Variants in PP2D1 observed in about 807,000 individuals in gnomAD.
PP2D1 encodes the protein protein phosphatase 2C-like domain-containing protein 1.
Under a neutral mutation model 30.2 loss-of-function variants are expected in PP2D1, and 25 were observed. The ratio of observed to expected loss-of-function variants is 0.83; its 90% confidence interval spans 0.60 to 1.16. PP2D1 has a LOEUF of 1.16. Ranked by LOEUF, PP2D1 falls within the 50% of genes most tolerant of loss-of-function variation. The pLI is 0.00. For missense variants in PP2D1, 760 were observed against 742.4 expected (o/e 1.02, Z -0.28); for synonymous variants, 260 against 258.9 (o/e 1.00, Z -0.04).
intron 2 of PP2D1, among the ~76,000 whole-genome samples, chr3:19,994,860 CAT>C (rs899660637): frequency 5.9e-5 from 9 of 152,272 alleles, no homozygotes; most frequent in African/African-American, 2.2e-4. Flanking sequence ...CTGGTGAATA[CAT>C]GTGTGTGAGG....
At chr3:20,003,953 A>C (rs13068289) in intron 1 of PP2D1, among the ~76,000 whole-genome samples, 28,783 of 152,068 alleles carry the variant, frequency 0.19, 2,647 homozygotes, top group South Asian at 0.22. Flanking sequence ...AAGTTACTGT[A>C]AGCTAAGATC....
At chr3:19,981,735 A>G (rs543016031), downstream of PP2D1, among the ~76,000 whole-genome samples, 1 of 152,176 alleles carries the variant, frequency 6.6e-6, no homozygotes. Flanking sequence ...ATCAGTGGGA[A>G]GCACACTCCA....
intron 2 of PP2D1, among the ~76,000 whole-genome samples, chr3:19,986,479 C>T (rs1697036640): frequency 6.6e-6 from 1 of 152,150 alleles, no homozygotes; most frequent in Admixed American, 6.5e-5. Flanking sequence ...AATGAAATGA[C>T]TTAATATTAC....
chr3:20,009,026 T>C (rs1455913269), intron 1 of PP2D1, among the ~76,000 whole-genome samples: 1 of 152,154 alleles, frequency 6.6e-6, no homozygotes, highest in African/African-American at 2.4e-5. Flanking sequence ...CTATGTAAAA[T>C]TAATTAAGAA....
chr3:19,998,646 T>C (rs1697212714), intron 2 of PP2D1, among the ~76,000 whole-genome samples: 1 of 152,222 alleles, frequency 6.6e-6, no homozygotes, highest in East Asian at 1.9e-4. Flanking sequence ...TACCTTTTTC[T>C]ACATGCACAA....
chr3:20,004,291 T>C (rs564681477), intron 1 of PP2D1, among the ~76,000 whole-genome samples: 7 of 152,328 alleles, frequency 4.6e-5, no homozygotes, highest in African/African-American at 1.4e-4. Flanking sequence ...GGCTATAGCA[T>C]ATAGCCCAGG....
intron 2 of PP2D1, 145 bp from the exon 3 acceptor site, chr3:19,986,327 A>T (rs1375815593): frequency 3.4e-6 from 2 of 590,890 alleles, no homozygotes; most frequent in Non-Finnish European, 5.7e-6. Context: ...TATGTGTAAT[A>T]TATCACTACT....
intron 1 of PP2D1, chr3:20,008,301 T>G (rs1697346371): frequency 2.0e-5 from 3 of 153,614 alleles, no homozygotes; most frequent in Admixed American, 1.3e-4. Context: ...TTGGTCGCGG[T>G]GGCTCACGCC....
chr3:20,007,249 G>T (rs1229528161), intron 1 of PP2D1, among the ~76,000 whole-genome samples: 1 of 152,056 alleles, frequency 6.6e-6, no homozygotes. Flanking sequence ...TTCTTATACT[G>T]TATTTTTATT....
At chr3:19,994,543 T>C (rs560978462) in intron 2 of PP2D1, among the ~76,000 whole-genome samples, 5 of 152,318 alleles carry the variant, frequency 3.3e-5, no homozygotes, top group African/African-American at 1.2e-4. Flanking sequence ...TTAGTACATA[T>C]TGATAGTGTC....
In PP2D1 at chr3:19,986,289, AAGC is replaced by A. The variant is rs1298570437; in HGVS notation, c.1091-110_1091-108del. ...ATTCTGTGTTTCAATGCTAAACAGA[AAGC>A]AGGCTATGTAAAAGTACGTTTAAAT... On this transcript the variant is annotated intron_variant, in intron 2 of 2. Transcript: ENST00000389050. 4 of 767,902 alleles carry A rather than the reference AAGC, an allele frequency of 5.2e-6. No homozygotes were observed. The African/African-American group carries it at 5.3e-5, about 10-fold the overall frequency. The allele number at this position is 767,902 out of a possible 1,614,324, so 47.6% of individuals were successfully genotyped here. A position where few individuals can be genotyped will look rare whatever the true frequency, so the allele number is the denominator to read the frequency against.
chr3:19,989,779 A>G (rs1281455591), intron 2 of PP2D1, among the ~76,000 whole-genome samples: 2 of 152,196 alleles, frequency 1.3e-5, no homozygotes, highest in Non-Finnish European at 2.9e-5. Flanking sequence ...AAAGGGACAT[A>G]GTTTGGCTCA....
chr3:19,986,998 T>G (rs2125137234), intron 2 of PP2D1, among the ~76,000 whole-genome samples: 1 of 150,124 alleles, frequency 6.7e-6, no homozygotes, highest in Admixed American at 6.6e-5. Flanking sequence ...GATGATGCCA[T>G]TGCACTCCAG....
intron 2 of PP2D1, among the ~76,000 whole-genome samples, chr3:19,996,355 G>A (rs2125141744): frequency 6.6e-6 from 1 of 152,170 alleles, no homozygotes; most frequent in Admixed American, 6.5e-5. Flanking sequence ...TAAACACGTG[G>A]ACACTTACAA....
chr3:20,003,138 T>C (rs947688672), intron 1 of PP2D1, among the ~76,000 whole-genome samples: 1 of 152,092 alleles, frequency 6.6e-6, no homozygotes, highest in African/African-American at 2.4e-5. Context: ...GTGGCTGGCT[T>C]ATGTGTTTAT....
intron 2 of PP2D1, among the ~76,000 whole-genome samples, chr3:19,991,336 C>G (rs1697117129): frequency 6.6e-6 from 1 of 152,170 alleles, no homozygotes; most frequent in Admixed American, 6.5e-5. Flanking sequence ...TCTGGAATCC[C>G]AACCAGGGAC....
chr3:20,007,343 GAATTCA>G (rs1697331739), intron 1 of PP2D1, among the ~76,000 whole-genome samples: 1 of 152,072 alleles, frequency 6.6e-6, no homozygotes, highest in East Asian at 1.9e-4. Flanking sequence ...AAAGTTGGTT[GAATTCA>G]CAGATGCAGA....
At chr3:19,991,837 C>T (rs999206351) in intron 2 of PP2D1, among the ~76,000 whole-genome samples, 2 of 152,082 alleles carry the variant, frequency 1.3e-5, no homozygotes, top group Non-Finnish European at 1.5e-5. Context: ...AAAAATGTTT[C>T]ATTTCAGACC....
At chr3:19,989,363 A>G (rs1343560913) in intron 2 of PP2D1, among the ~76,000 whole-genome samples, 5 of 152,180 alleles carry the variant, frequency 3.3e-5, no homozygotes. Flanking sequence ...AGTGTCAGAT[A>G]TAGACAGAAA....
Sources: gnomAD v4.1 joint callset for allele counts (sites outside exome capture counted in the v4.1 genomes callset) on GRCh38, gnomAD v4.1.1 for gene constraint, MANE v1.5 for transcripts, NCBI Gene and HGNC (gene_info 2026-07-23, HGNC 2026-07-21) for gene names.